The following IGSF5 variants were observed in gnomAD, a reference collection of about 807,000 sequenced individuals.
The protein encoded by IGSF5 is immunoglobulin superfamily 5 like.
IGSF5 carries 41 observed loss-of-function variants against 39.4 expected under a neutral mutation model. That is an observed-to-expected ratio of 1.04 (90% CI 0.81 to 1.35). IGSF5 has a LOEUF of 1.35. Ranked by LOEUF, IGSF5 falls within the 40% of genes most tolerant of loss-of-function variation. The pLI is 0.00. For missense variants in IGSF5, 487 were observed against 494.6 expected (o/e 0.98, Z 0.15); for synonymous variants, 183 against 175.3 (o/e 1.04, Z -0.34).
intron 4 of IGSF5, among the ~76,000 whole-genome samples, chr21:39,775,030 TC>T (rs1371735728): frequency 6.6e-6 from 1 of 152,160 alleles, no homozygotes; most frequent in Non-Finnish European, 1.5e-5. Flanking sequence ...AGGCTCAGCC[TC>T]CTCCTGGGGG....
chr21:39,747,075 A>T (rs967284102), intron 2 of IGSF5, among the ~76,000 whole-genome samples: 5 of 152,162 alleles, frequency 3.3e-5, no homozygotes, highest in African/African-American at 1.2e-4. Flanking sequence ...TAACACAACT[A>T]ACCTGGTGAA....
intron 3 of IGSF5, among the ~76,000 whole-genome samples, chr21:39,769,444 G>T (rs1340589381): frequency 6.9e-6 from 1 of 144,372 alleles, no homozygotes; most frequent in Non-Finnish European, 1.5e-5. Flanking sequence ...TCCAGCCTGG[G>T]CAACAAGAGT....
At chr21:39,744,945 A>G (rs530498951), upstream of IGSF5, among the ~76,000 whole-genome samples, 17 of 152,342 alleles carry the variant, frequency 1.1e-4, no homozygotes, top group African/African-American at 4.1e-4. Flanking sequence ...CTACGCCCTT[A>G]TTTACACTGA....
At chr21:39,790,705 T>C (rs1328962745) in intron 6 of IGSF5, among the ~76,000 whole-genome samples, 1 of 152,176 alleles carries the variant, frequency 6.6e-6, no homozygotes, top group Non-Finnish European at 1.5e-5. Flanking sequence ...CTGAGTACTA[T>C]TGTAGGAGTC....
chr21:39,772,462 G>C (rs572906065), intron 4 of IGSF5, among the ~76,000 whole-genome samples: 5 of 152,310 alleles, frequency 3.3e-5, no homozygotes, highest in Admixed American at 3.3e-4. Flanking sequence ...TTTTCTCACA[G>C]TCCTGGAGGT....
upstream of IGSF5, among the ~76,000 whole-genome samples, chr21:39,743,301 G>A (rs2146266500): frequency 6.6e-6 from 1 of 151,678 alleles, no homozygotes; most frequent in South Asian, 2.1e-4. Context: ...AGTAATGGTG[G>A]CACTTTTTCA....
intron 8 of IGSF5, among the ~76,000 whole-genome samples, chr21:39,796,821 G>A (rs530407918): frequency 6.6e-6 from 1 of 152,338 alleles, no homozygotes; most frequent in African/African-American, 2.4e-5. Context: ...TTTTCCGATC[G>A]TGGTTGCTGA....
At chr21:39,770,884 T>G (rs773743553) in intron 3 of IGSF5, 32 bp from the exon 4 acceptor site, 1 of 1,383,808 alleles carries the variant, frequency 7.2e-7, no homozygotes, top group Admixed American at 2.7e-5. Context: ...CATGGTCATG[T>G]CTTCAATGTG....
chr21:39,793,360 A>G (rs1397636927), intron 7 of IGSF5, among the ~76,000 whole-genome samples, 174 bp from the exon 8 acceptor site: 3 of 152,238 alleles, frequency 2.0e-5, no homozygotes, highest in Admixed American at 2.0e-4. Context: ...CTTTAAAGAA[A>G]TAACATTCTA....
chr21:39,741,199 A>G (rs1178044819), upstream of IGSF5, among the ~76,000 whole-genome samples: 1 of 152,142 alleles, frequency 6.6e-6, no homozygotes, highest in Non-Finnish European at 1.5e-5. Context: ...AGGGCATGGA[A>G]AGCTGCTTCT....
At chr21:39,721,534 G>A in the IGSF5 span, among the ~76,000 whole-genome samples, 2 of 152,116 alleles carry the variant, frequency 1.3e-5, no homozygotes, top group African/African-American at 4.8e-5. Flanking sequence ...CAGACTATCT[G>A]GATAATCTCT....
chr21:39,780,607 T>C (rs185804370), intron 5 of IGSF5, among the ~76,000 whole-genome samples: 2 of 152,310 alleles, frequency 1.3e-5, no homozygotes, highest in African/African-American at 4.8e-5. Context: ...AGATCTTCTG[T>C]TAATAAAAAA....
chr21:39,797,443 T>C (rs2087002585), intron 8 of IGSF5, among the ~76,000 whole-genome samples: 1 of 152,140 alleles, frequency 6.6e-6, no homozygotes, highest in Non-Finnish European at 1.5e-5. Flanking sequence ...GGGCTCGAAC[T>C]CCTGACCTCA....
In IGSF5 at chr21:39,797,843, C is replaced by T. The variant is rs181724473; in HGVS notation, c.1129-3419C>T. On this transcript the variant is annotated intron_variant, in intron 8 of 8. Coordinates refer to ENST00000380588, the MANE Select transcript of IGSF5 (RefSeq NM_001080444.2). ...ACCCCTACTTCCTTTGCTGTTAATCCCAATCAGTTATGACAAAAATATGAT... is the reference window on the plus strand; with the variant it reads ...ACCCCTACTTCCTTTGCTGTTAATCTCAATCAGTTATGACAAAAATATGAT... Among the ~76,000 whole-genome samples the T allele has an allele frequency of 2.6e-5, 4 of 152,246 alleles. No homozygotes were observed. The East Asian group carries it at 7.7e-4, about 29-fold the overall frequency.
At position 39,749,512 on chromosome 21, in the gene IGSF5, C is replaced by T. The variant is rs113441356; in HGVS notation, c.100+3214C>T. Among the ~76,000 whole-genome samples, 405 of 152,340 alleles carry T rather than the reference C, an allele frequency of 2.7e-3. 1 individual carries two copies. The highest frequency in any genetic ancestry group is 9.5e-3 in the African/African-American group (396 of 41,572). On this transcript the variant is annotated intron_variant, in intron 2 of 8. Coordinates refer to ENST00000380588, the MANE Select transcript of IGSF5 (RefSeq NM_001080444.2). ...ACAGGCATGAGCCACCGTGCCCAGCCGGTCTCAATCAATTTAGAAAGCTTA... is the reference window on the plus strand; with the variant it reads ...ACAGGCATGAGCCACCGTGCCCAGCTGGTCTCAATCAATTTAGAAAGCTTA...
chr21:39,765,884 A>G (rs2146280059), intron 3 of IGSF5, 32 bp downstream of exon 3: 1 of 1,588,226 alleles, frequency 6.3e-7, no homozygotes. Context: ...GAAGTCCATC[A>G]GGTTAAATGT....
At chr21:39,798,502 G>A (rs541357410) in intron 8 of IGSF5, among the ~76,000 whole-genome samples, 4 of 152,172 alleles carry the variant, frequency 2.6e-5, no homozygotes, top group South Asian at 4.2e-4. Context: ...GGTGTATGGC[G>A]TTAGGAGGAG....
At chr21:39,741,231 A>G (rs1043359534), upstream of IGSF5, among the ~76,000 whole-genome samples, 1 of 152,196 alleles carries the variant, frequency 6.6e-6, no homozygotes, top group Admixed American at 6.5e-5. Flanking sequence ...CCATCTTACT[A>G]AATGGGTATT....
At chr21:39,740,672 G>A (rs1239821273), upstream of IGSF5, among the ~76,000 whole-genome samples, 2 of 152,126 alleles carry the variant, frequency 1.3e-5, no homozygotes, top group African/African-American at 2.4e-5. Flanking sequence ...ATCAGTCAAG[G>A]GAACCTCTAA....
Sources: allele counts gnomAD v4.1 joint callset (sites outside exome capture counted in the v4.1 genomes callset), GRCh38; gene constraint gnomAD v4.1.1; transcripts MANE v1.5; gene names NCBI Gene and HGNC (gene_info 2026-07-23, HGNC 2026-07-21).